Variants in GLI3 observed in about 807,000 individuals in gnomAD.
GLI3 encodes the protein transcription activator GLI3.
A neutral mutation model predicts 100.8 loss-of-function variants in GLI3; 20 were observed. That is an observed-to-expected ratio of 0.20 (90% CI 0.14 to 0.29). The LOEUF is 0.29. GLI3 is among the 10% of genes least tolerant of loss of function. The probability of loss-of-function intolerance (pLI) is 1.00; values close to 1 mark genes in which losing one functional copy is unlikely to be tolerated. For missense variants in GLI3, 2,040 were observed against 2,128.5 expected (o/e 0.96, Z 0.82); for synonymous variants, 938 against 860.5 (o/e 1.09, Z -1.58).
intron 2 of GLI3, among the ~76,000 whole-genome samples, chr7:42,167,424 A>G (rs1233140696): frequency 1.3e-5 from 2 of 152,188 alleles, no homozygotes; most frequent in African/African-American, 4.8e-5. Flanking sequence ...GATGATTCAT[A>G]GTTTACAGAG....
chr7:41,963,156 A>G lies in GLI3; in HGVS notation c.*1174T>C, dbSNP rs1477575233. Reference sequence around the variant, plus strand: ...CTTCCCTAGTGCTCTCAAATACTAAAAATGGCTGAAGCAATTTATTCCCAC... The same window carrying G: ...CTTCCCTAGTGCTCTCAAATACTAAGAATGGCTGAAGCAATTTATTCCCAC... On this transcript the variant is annotated 3_prime_UTR_variant, in exon 15 of 15. Coordinates refer to ENST00000395925, the MANE Select transcript of GLI3 (RefSeq NM_000168.6). The G allele has an allele frequency of 6.6e-6, 1 of 152,222 alleles. No individual in the cohort carries two copies. Among genetic ancestry groups the G allele is most frequent in the Non-Finnish European group, 1.5e-5 (1 of 68,050 alleles). The allele number at this position is 152,222 out of a possible 1,614,324, so 9.4% of individuals were successfully genotyped here.
At chr7:42,026,525 T>A in intron 7 of GLI3, 113 bp from the exon 8 acceptor site, 1 of 842,864 alleles carries the variant, frequency 1.2e-6, no homozygotes, top group Non-Finnish European at 2.0e-6. Context: ...CAAATTTGTT[T>A]AAATGAGAAG....
rs371365628 is a variant in GLI3 at position 42,148,206 on chromosome 7, C to T, written c.367+20G>A. 1.7e-4 allele frequency: 267 copies of T among 1,597,494 alleles called. No individual in the cohort carries two copies. Among genetic ancestry groups the T allele is most frequent in the Non-Finnish European group, 1.9e-4 (227 of 1,171,004 alleles). On this transcript the variant is annotated intron_variant, in intron 3 of 14. Transcript: ENST00000395925. ...CTCCCCATAGCTCCTGAACAAGTGC[C>T]GACTGGCATGGGCACTTACGGTAGT...
chr7:42,210,124 A>G (rs1382743636), intron 2 of GLI3, among the ~76,000 whole-genome samples: 1 of 151,884 alleles, frequency 6.6e-6, no homozygotes, highest in Non-Finnish European at 1.5e-5. Flanking sequence ...GCTGGTGAAG[A>G]CGCCCCGCTG....
chr7:42,255,967 A>T (rs1051087354), intron 1 of GLI3, among the ~76,000 whole-genome samples: 2 of 152,144 alleles, frequency 1.3e-5, no homozygotes, highest in African/African-American at 4.8e-5. Context: ...ATTCTCACCC[A>T]CACTTGGTGT....
chr7:42,237,622 G>T (rs929180042), upstream of GLI3, among the ~76,000 whole-genome samples: 2 of 150,682 alleles, frequency 1.3e-5, no homozygotes, highest in Non-Finnish European at 3.0e-5. Context: ...GATGTTGCCG[G>T]ACTCTCCTCG....
At chr7:42,214,262 G>T (rs574018896) in intron 2 of GLI3, among the ~76,000 whole-genome samples, 3 of 152,178 alleles carry the variant, frequency 2.0e-5, no homozygotes, top group Non-Finnish European at 4.4e-5. Flanking sequence ...CCTGGCGAAT[G>T]ATGAGGCAGG....
At chr7:42,116,822 G>A (rs1463191938) in intron 3 of GLI3, among the ~76,000 whole-genome samples, 1 of 150,292 alleles carries the variant, frequency 6.7e-6, no homozygotes, top group Non-Finnish European at 1.5e-5. Context: ...AATTTAATAA[G>A]AGGTCTCATA....
At chr7:42,127,647 G>A (rs1211608450) in intron 3 of GLI3, among the ~76,000 whole-genome samples, 5 of 152,148 alleles carry the variant, frequency 3.3e-5, no homozygotes, top group South Asian at 2.1e-4. Flanking sequence ...GTTTTACAGC[G>A]TATTTTTATT....
chr7:41,984,912 A>C (rs1172586601), intron 10 of GLI3, among the ~76,000 whole-genome samples: 2 of 152,284 alleles, frequency 1.3e-5, no homozygotes, highest in South Asian at 2.1e-4. Context: ...TTTCAAATAC[A>C]TATGATCTCT....
intron 3 of GLI3, among the ~76,000 whole-genome samples, chr7:42,110,324 G>T (rs1293041467): frequency 6.6e-6 from 1 of 152,100 alleles, no homozygotes; most frequent in Non-Finnish European, 1.5e-5. Context: ...CCCAAATAAA[G>T]GTGCATCTCC....
At chr7:42,185,962 C>A (rs1328059595) in intron 2 of GLI3, among the ~76,000 whole-genome samples, 3 of 152,194 alleles carry the variant, frequency 2.0e-5, no homozygotes, top group Non-Finnish European at 4.4e-5. Flanking sequence ...CCTATTTGGA[C>A]CAGCAGCTAA....
intron 5 of GLI3, 114 bp downstream of exon 5, chr7:42,048,377 G>A (rs751501273): frequency 9.3e-5 from 74 of 794,436 alleles, no homozygotes; most frequent in Non-Finnish European, 1.5e-4. Context: ...AGAGCACAGC[G>A]CCTGGCACAT....
chr7:42,231,579 C>T (rs1788696516), intron 1 of GLI3, among the ~76,000 whole-genome samples: 1 of 152,146 alleles, frequency 6.6e-6, no homozygotes. Flanking sequence ...CAGACACTGT[C>T]CTGAAGTGGC....
chr7:42,182,894 C>A (rs1364890906), intron 2 of GLI3, among the ~76,000 whole-genome samples: 2 of 151,590 alleles, frequency 1.3e-5, no homozygotes, highest in East Asian at 3.9e-4. Flanking sequence ...ATGGCCTGGC[C>A]AACATGGCGA....
At chr7:42,127,726 G>A (rs561965302) in intron 3 of GLI3, among the ~76,000 whole-genome samples, 1 of 152,306 alleles carries the variant, frequency 6.6e-6, no homozygotes, top group East Asian at 1.9e-4. Flanking sequence ...AACAAATGTA[G>A]GGCCTGGTGC....
At chr7:42,003,480 A>G (rs1788366041) in intron 10 of GLI3, among the ~76,000 whole-genome samples, 1 of 152,208 alleles carries the variant, frequency 6.6e-6, no homozygotes, top group East Asian at 1.9e-4. Flanking sequence ...TAATAACTAA[A>G]CAAATGAGTG....
Position 41,972,692 on chromosome 7 carries a change from G to T in GLI3, c.1813-65C>A. The T allele has an allele frequency of 7.5e-7, 1 of 1,331,294 alleles. No homozygotes were observed. The highest frequency in any genetic ancestry group is 1.1e-6 in the Non-Finnish European group (1 of 941,952). The allele number at this position is 1,331,294 out of a possible 1,614,324, so 82.5% of individuals were successfully genotyped here. A position where few individuals can be genotyped will look rare whatever the true frequency, so the allele number is the denominator to read the frequency against. On this transcript the variant is annotated intron_variant, in intron 12 of 14. Transcript: ENST00000395925. The surrounding 1 kb of genome is among the most constrained non-coding windows in gnomAD (Gnocchi z 4.4). ...AAAGAGACTATGCCCCAGCCCAAAA[G>T]TCCTTTATGGTTGCTCATTACATTT...
At chr7:41,967,471 A>G in intron 14 of GLI3, 125 bp downstream of exon 14, 1 of 742,976 alleles carries the variant, frequency 1.3e-6, no homozygotes, top group Non-Finnish European at 2.3e-6. Flanking sequence ...GCTAAACATT[A>G]ACGGATGGTT....
Sources: gnomAD v4.1 joint callset for allele counts (sites outside exome capture counted in the v4.1 genomes callset) on GRCh38, gnomAD v4.1.1 for gene constraint, Gnocchi (gnomAD v3.1) non-coding constraint, MANE v1.5 for transcripts, NCBI Gene and HGNC (gene_info 2026-07-23, HGNC 2026-07-21) for gene names.